The following UAP1 variants were observed in gnomAD, a reference collection of about 807,000 sequenced individuals.
UAP1 encodes the protein UDP-N-acetylhexosamine pyrophosphorylase.
A neutral mutation model predicts 58.5 loss-of-function variants in UAP1; 25 were observed. That is an observed-to-expected ratio of 0.43 (90% confidence interval 0.31 to 0.60). The LOEUF (loss-of-function observed/expected upper bound fraction) is 0.60, where lower values mean the gene tolerates loss of function less well. UAP1 is among the 20% of genes least tolerant of loss of function. The pLI, the probability that UAP1 is intolerant of heterozygous loss-of-function variation, is 0.11. For missense variants in UAP1, 575 were observed against 630.0 expected, an observed-to-expected ratio of 0.91 and a Z score of 0.93; for synonymous variants, 208 against 213.0, an observed-to-expected ratio of 0.98 and a Z score of 0.21.
intron 2 of UAP1, 151 bp downstream of exon 2, chr1:162,566,499 A>G: frequency 5.0e-6 from 4 of 800,248 alleles, no homozygotes; most frequent in Non-Finnish European, 7.6e-6. Flanking sequence ...TTTATTTTTG[A>G]TGCTCCATTT....
chr1:162,576,777 G>C, exon 3 of UAP1: 1 of 1,613,290 alleles, frequency 6.2e-7, no homozygotes, highest in South Asian at 1.1e-5. Context: ...TCTTTTCTAG[G>C]ACTTTTCCAG....
chr1:162,578,150 G>A (rs1191463162), intron 3 of UAP1, among the ~76,000 whole-genome samples: 1 of 152,006 alleles, frequency 6.6e-6, no homozygotes, highest in Non-Finnish European at 1.5e-5. Flanking sequence ...ATGTTTTGAG[G>A]GGAAAATCAG....
intron 9 of UAP1, among the ~76,000 whole-genome samples, chr1:162,596,851 C>T (rs1298793069): frequency 1.3e-5 from 2 of 152,164 alleles, no homozygotes; most frequent in Non-Finnish European, 2.9e-5. Context: ...TGGTAAGATT[C>T]TTGAAGTGGC....
chr1:162,587,636 C>T, exon 6 of UAP1: 1 of 1,613,932 alleles, frequency 6.2e-7, no homozygotes, highest in East Asian at 2.2e-5. Flanking sequence ...CCAACCATTT[C>T]TTCACTGTAC....
intron 2 of UAP1, among the ~76,000 whole-genome samples, chr1:162,575,328 C>G (rs1454455634): frequency 1.3e-5 from 2 of 152,120 alleles, no homozygotes; most frequent in African/African-American, 4.8e-5. Context: ...CTTGGCCTTC[C>G]AAAGTGCTGG....
At position 162,590,536 on chromosome 1, in the gene UAP1, G is replaced by T. The variant is rs749778970; in HGVS notation, c.1358+25G>T. ...GGTAAGTCAGTATCTTTTCTCTTTT[G>T]TATGAATCCTTTCTTGGACTTTTCC... On this transcript the variant is annotated intron_variant, in intron 8 of 10. Coordinates refer to ENST00000271469, the Ensembl canonical transcript of UAP1. The T allele has an allele frequency of 9.0e-6, 14 of 1,556,702 alleles. No individual in the cohort carries two copies. In the South Asian group the frequency reaches 1.7e-4, roughly 19 times the overall value.
intron 4 of UAP1, 114 bp from the exon 5 acceptor site, chr1:162,581,173 C>T (rs774093307): frequency 3.3e-6 from 4 of 1,218,030 alleles, no homozygotes; most frequent in South Asian, 1.7e-5. Context: ...GTTTTCTTGC[C>T]TTTGTAAAGC....
At chr1:162,587,837 T>C (rs1654995307) in intron 6 of UAP1, 169 bp downstream of exon 6, 1 of 681,218 alleles carries the variant, frequency 1.5e-6, no homozygotes, top group African/African-American at 1.8e-5. Context: ...TTTAGTAAGA[T>C]GTATTGTAAG....
chr1:162,589,171 AAATAT>A (rs1655121250), intron 7 of UAP1, among the ~76,000 whole-genome samples: 3 of 101,754 alleles, frequency 2.9e-5, no homozygotes, highest in African/African-American at 1.2e-4. Flanking sequence ...TATAATATAT[AAATAT>A]TATATATAAT....
intron 5 of UAP1, among the ~76,000 whole-genome samples, chr1:162,585,494 T>G (rs1654852594): frequency 6.6e-6 from 1 of 152,056 alleles, no homozygotes; most frequent in South Asian, 2.1e-4. Context: ...ACTCCTGACC[T>G]CAGATGATAC....
chr1:162,578,240 C>T (rs544972456), intron 3 of UAP1, among the ~76,000 whole-genome samples: 1 of 152,114 alleles, frequency 6.6e-6, no homozygotes, highest in African/African-American at 2.4e-5. Flanking sequence ...TAGTTTCTGT[C>T]CCCGAGCAGC....
At chr1:162,569,720 C>T (rs1653734065) in intron 2 of UAP1, among the ~76,000 whole-genome samples, 1 of 152,156 alleles carries the variant, frequency 6.6e-6, no homozygotes, top group South Asian at 2.1e-4. Flanking sequence ...TCCTATTAAT[C>T]ATAATGGTGC....
Position 162,567,920 on chromosome 1 carries a change from C to T in UAP1, c.280+1572C>T, listed in dbSNP as rs568744342. The stretch of plus-strand genomic sequence containing the variant: ...AAGCAATACTCCTGCCTCAGCTTCC[C>T]GAGTAGCTGGGATTACAGGTTCGTA... On this transcript the variant is annotated intron_variant, in intron 2 of 10. Transcript: ENST00000271469. Among the ~76,000 whole-genome samples the T allele has an allele frequency of 7.2e-5, 11 of 152,164 alleles. No individual in the cohort carries two copies. The South Asian group carries it at 8.3e-4, about 11-fold the overall frequency.
intron 8 of UAP1, among the ~76,000 whole-genome samples, 185 bp from the exon 9 acceptor site, chr1:162,592,547 C>T (rs933169891): frequency 1.3e-5 from 2 of 152,024 alleles, no homozygotes; most frequent in Non-Finnish European, 2.9e-5. Context: ...GTCACATTGT[C>T]CTCATGTTTC....
chr1:162,590,468 C>T, exon 8 of UAP1: 1 of 1,607,582 alleles, frequency 6.2e-7, no homozygotes, highest in South Asian at 1.1e-5. Context: ...TGCAGGGGGC[C>T]ATTTCATAGA....
intron 10 of UAP1, among the ~76,000 whole-genome samples, chr1:162,598,206 GA>G (rs892983590): frequency 3.5e-4 from 50 of 144,618 alleles, no homozygotes; most frequent in Non-Finnish European, 2.5e-4. Flanking sequence ...TCTTTATAAA[GA>G]AAAAAAAAAT....
intron 2 of UAP1, among the ~76,000 whole-genome samples, chr1:162,572,648 T>A (rs1653939014): frequency 6.6e-6 from 1 of 152,214 alleles, no homozygotes; most frequent in Non-Finnish European, 1.5e-5. Flanking sequence ...AAAATGTAGG[T>A]ATTTGGCACT....
At chr1:162,597,293 A>T (rs989991385) in intron 9 of UAP1, 4 of 152,382 alleles carry the variant, frequency 2.6e-5, no homozygotes, top group African/African-American at 9.6e-5. Flanking sequence ...AGTTTTAAAA[A>T]TTTTAATTAA....
In UAP1 at chr1:162,569,937, C is replaced by T. The variant is rs148840957; in HGVS notation, c.280+3589C>T. Among the ~76,000 whole-genome samples the T allele has an allele frequency of 1.6e-3, 238 of 152,170 alleles. 3 individuals are homozygous for T. In the Middle Eastern group the frequency reaches 0.031, roughly 20 times the overall value. ...GGCCAAGGCAGGAGGATCATGAGGT[C>T]AGGAGATCGAGACCATCCTGGCTAA... is the stretch of plus-strand genomic sequence containing the variant. On this transcript the variant is annotated intron_variant, in intron 2 of 10. Transcript: ENST00000271469.
Sources: gnomAD v4.1 joint callset for allele counts (sites outside exome capture counted in the v4.1 genomes callset) on GRCh38, gnomAD v4.1.1 for gene constraint, MANE v1.5 for transcripts, NCBI Gene and HGNC (gene_info 2026-07-23, HGNC 2026-07-21) for gene names.